SLC12A7: variants seen among roughly 807,000 people sequenced by gnomAD.
SLC12A7 encodes K-Cl cotransporter 4.
In SLC12A7, 100 loss-of-function variants were observed where a neutral mutation model predicts 120.6. The observed-to-expected ratio is 0.83, with a 90% confidence interval of 0.71 to 0.98. The LOEUF is 0.98. Among genes scored for constraint, SLC12A7 ranks in the 50% least tolerant of loss-of-function variants. The probability of loss-of-function intolerance (pLI) is 0.00; values close to 1 mark genes in which losing one functional copy is unlikely to be tolerated. For synonymous variants in SLC12A7, 760 were observed against 678.0 expected, an observed-to-expected ratio of 1.12 and a Z score of -1.88; for missense variants, 1,373 against 1,548.1, an observed-to-expected ratio of 0.89 and a Z score of 1.90.
chr5:1,078,452 C>T, intron 11 of SLC12A7: 4 of 592,216 alleles, frequency 6.8e-6, no homozygotes, highest in Non-Finnish European at 9.0e-6. Flanking sequence ...CTGTGGCCTC[C>T]CCAGGAAGGG....
intron 1 of SLC12A7, among the ~76,000 whole-genome samples, chr5:1,095,936 A>G (rs965287716): frequency 3.3e-5 from 5 of 152,244 alleles, no homozygotes; most frequent in Non-Finnish European, 5.9e-5. Flanking sequence ...GGGGCACACC[A>G]CAGAGAGGCC....
At chr5:1,086,673 G>A (rs1184110876) in intron 6 of SLC12A7, among the ~76,000 whole-genome samples, 4 of 152,240 alleles carry the variant, frequency 2.6e-5, no homozygotes, top group East Asian at 1.9e-4. Context: ...TGCCAGGCAC[G>A]CCTCACGGAG....
At chr5:1,125,923 C>CA in the SLC12A7 span, among the ~76,000 whole-genome samples, 16,983 of 100,476 alleles carry the variant, frequency 0.17, 1,365 homozygotes, top group Non-Finnish European at 0.22. Flanking sequence ...GGCCCTGCCT[C>CA]AAAAAAAAAA....
chr5:1,087,588 G>A (rs777461073), intron 5 of SLC12A7, among the ~76,000 whole-genome samples: 6 of 152,202 alleles, frequency 3.9e-5, no homozygotes, highest in East Asian at 3.9e-4. Flanking sequence ...CCTTGGCTGC[G>A]GAGGGAGACC....
chr5:1,057,897 C>T (rs954916903), intron 21 of SLC12A7, among the ~76,000 whole-genome samples: 1 of 152,232 alleles, frequency 6.6e-6, no homozygotes, highest in Non-Finnish European at 1.5e-5. Context: ...ACTGGAAAGG[C>T]CCCATGACCC....
chr5:1,113,579 G>A (rs562914108), upstream of SLC12A7, among the ~76,000 whole-genome samples: 4 of 152,262 alleles, frequency 2.6e-5, no homozygotes, highest in East Asian at 5.8e-4. Flanking sequence ...AGCTGTGCCT[G>A]CTCCACACTC....
intron 22 of SLC12A7, among the ~76,000 whole-genome samples, chr5:1,056,927 A>G (rs1399310201): frequency 6.6e-6 from 1 of 152,222 alleles, no homozygotes; most frequent in Non-Finnish European, 1.5e-5. Flanking sequence ...AGCAGCCTGA[A>G]CTACCCACAG....
the SLC12A7 span, among the ~76,000 whole-genome samples, chr5:1,136,168 C>A: frequency 6.6e-6 from 1 of 152,194 alleles, no homozygotes; most frequent in East Asian, 1.9e-4. Flanking sequence ...TCTGCTCCTG[C>A]AGGCACTGCT....
In SLC12A7 at chr5:1,086,919, G is replaced by A. The variant is rs1214657401; in HGVS notation, c.659C>T (p.Thr220Ile). The A allele has an allele frequency of 4.3e-6, 7 of 1,612,646 alleles. No homozygotes were observed. Among genetic ancestry groups the A allele is most frequent in the Non-Finnish European group, 5.9e-6 (7 of 1,179,878 alleles). Reference protein sequence around the residue: ...TFAGAMYILGTIEIFLTYISP... With the variant: ...TFAGAMYILGIIEIFLTYISP... ...CACACTTACCAGAAAAATCTCGATG[G>A]TCCCCAAAATATACATGGCCCCTGC... The change falls in exon 6 of 24, where the codon ACC becomes ATC. Residue 220 changes from threonine to isoleucine, a missense_variant. Thr to Ile is a moderately conservative substitution (Grantham distance 89). Transcript: ENST00000264930.
intron 22 of SLC12A7, among the ~76,000 whole-genome samples, chr5:1,053,861 C>G (rs1056858330): frequency 7.2e-5 from 11 of 152,226 alleles, no homozygotes; most frequent in Non-Finnish European, 1.5e-5. Context: ...CTGACGCCTT[C>G]AAGGCTGACA....
At position 1,094,187 on chromosome 5, in the gene SLC12A7, G is replaced by A; in HGVS notation, c.186C>T (p.Ser62=). 2 of 1,613,602 alleles carry A rather than the reference G, an allele frequency of 1.2e-6. No homozygotes were observed. The highest frequency in any genetic ancestry group is 1.7e-6 in the Non-Finnish European group (2 of 1,179,814). Residue 62 remains serine, a synonymous_variant, in exon 2 of 24, where the codon AGC becomes AGT. Coordinates refer to ENST00000264930, the MANE Select transcript of SLC12A7 (RefSeq NM_006598.3). Reference sequence around the variant, plus strand: ...GTGCCATGTTCTTCCCTTCAAAGAAGCTCTCTTGTTCCACCTCGACATTGT... The same window carrying A: ...GTGCCATGTTCTTCCCTTCAAAGAAACTCTCTTGTTCCACCTCGACATTGT... ...FLNNVEVEQE[S]FFEGKNMALF... is the part of the protein sequence containing the mutation.
chr5:1,060,481 C>G, intron 20 of SLC12A7, 30 bp from the exon 21 acceptor site: 2 of 1,537,894 alleles, frequency 1.3e-6, no homozygotes, highest in Non-Finnish European at 1.8e-6. Context: ...GTAGTAAGCC[C>G]GGTGTGCACA....
chr5:1,057,384 C>T, intron 22 of SLC12A7, 87 bp downstream of exon 22: 2 of 1,390,002 alleles, frequency 1.4e-6, no homozygotes, highest in Non-Finnish European at 1.9e-6. Flanking sequence ...CGAAGCTCTT[C>T]AGTGGTCAGG....
chr5:1,111,208 G>A (rs1360926814), intron 1 of SLC12A7, among the ~76,000 whole-genome samples: 1 of 152,108 alleles, frequency 6.6e-6, no homozygotes, highest in Non-Finnish European at 1.5e-5. Context: ...GAGGGAACAG[G>A]GCTGGGGGAT....
At chr5:1,119,824 T>TG in the SLC12A7 span, among the ~76,000 whole-genome samples, 1 of 152,230 alleles carries the variant, frequency 6.6e-6, no homozygotes, top group Admixed American at 6.5e-5. Flanking sequence ...ATGGGCAGGC[T>TG]GGGGGGCGGT....
At chr5:1,056,839 G>A (rs1735667118) in intron 22 of SLC12A7, among the ~76,000 whole-genome samples, 1 of 152,202 alleles carries the variant, frequency 6.6e-6, no homozygotes, top group African/African-American at 2.4e-5. Context: ...CACCCGCAAG[G>A]ACCCTGTACA....
intron 5 of SLC12A7, 58 bp from the exon 6 acceptor site, chr5:1,087,091 G>A: frequency 3.2e-6 from 5 of 1,545,788 alleles, no homozygotes; most frequent in Non-Finnish European, 4.4e-6. Context: ...CGGACCCGAG[G>A]TGCGGTCTGC....
chr5:1,151,274 G>A, the SLC12A7 span, among the ~76,000 whole-genome samples: 2 of 152,166 alleles, frequency 1.3e-5, no homozygotes, highest in Admixed American at 6.5e-5. This position sits in a 1 kb window ranked among gnomAD's most constrained non-coding sequence, Gnocchi z 6.2. Context: ...AACCCAACAC[G>A]CTCCACAGAG....
At chr5:1,101,354 C>T (rs1194466951) in intron 1 of SLC12A7, among the ~76,000 whole-genome samples, 1 of 152,180 alleles carries the variant, frequency 6.6e-6, no homozygotes, top group East Asian at 1.9e-4. Flanking sequence ...AGGGTCTCAA[C>T]AGAACCTGCC....
Sources: allele counts gnomAD v4.1 joint callset (sites outside exome capture counted in the v4.1 genomes callset), GRCh38; gene constraint gnomAD v4.1.1; non-coding constraint Gnocchi (gnomAD v3.1); transcripts MANE v1.5; gene names NCBI Gene and HGNC (gene_info 2026-07-23, HGNC 2026-07-21).